M1AP: variants seen among roughly 807,000 people sequenced by gnomAD.
The protein encoded by M1AP is meiosis 1 arrest protein.
Under a neutral mutation model 51.2 loss-of-function variants are expected in M1AP, and 39 were observed. That is an observed-to-expected ratio of 0.76 (90% CI 0.59 to 1.00). The LOEUF (loss-of-function observed/expected upper bound fraction) is 1.00, where lower values mean the gene tolerates loss of function less well. Among genes scored for constraint, M1AP ranks in the 50% least tolerant of loss-of-function variants. The pLI, the probability that M1AP is intolerant of heterozygous loss-of-function variation, is 0.00. For missense variants in M1AP, 545 were observed against 641.2 expected, an observed-to-expected ratio of 0.85 and a Z score of 1.62; for synonymous variants, 251 against 249.2, an observed-to-expected ratio of 1.01 and a Z score of -0.07.
At position 74,581,698 on chromosome 2, in the gene M1AP, T is replaced by C; in HGVS notation, c.745A>G (p.Ile249Val). ...LLLSSQCFSNISRPRDNPMCL... is the reference protein window; with the variant it reads ...LLLSSQCFSNVSRPRDNPMCL... ...CTTGGATTATCTCTGGGTCTGGAAA[T>C]GTTGCTGAAACACTGTGAAGAAAGA... Residue 249 changes from isoleucine (I) to valine (V), a missense_variant, in exon 5 of 11, where the codon ATT (isoleucine) becomes GTT (valine). By Grantham distance (29) the Ile-to-Val change is conservative (BLOSUM62 3). Coordinates refer to ENST00000421985, the MANE Select transcript of M1AP (RefSeq NM_001321739.2). The C allele has an allele frequency of 6.2e-7, 1 of 1,614,004 alleles. No individual in the cohort carries two copies. Among genetic ancestry groups the C allele is most frequent in the Non-Finnish European group, 8.5e-7 (1 of 1,179,914 alleles).
chr2:74,637,057 T>G (rs1426675578), intron 2 of M1AP, among the ~76,000 whole-genome samples: 1 of 152,204 alleles, frequency 6.6e-6, no homozygotes, highest in African/African-American at 2.4e-5. Context: ...TTCCTCTCCT[T>G]TGGAGACTTT....
intron 2 of M1AP, among the ~76,000 whole-genome samples, chr2:74,617,652 C>T (rs531167627): frequency 1.6e-4 from 25 of 152,170 alleles, no homozygotes; most frequent in Non-Finnish European, 3.2e-4. Context: ...TGTACCTGCA[C>T]ATGCACCCTT....
intron 1 of M1AP, 179 bp downstream of exon 1, chr2:74,648,086 T>G: frequency 1.0e-6 from 1 of 985,394 alleles, no homozygotes; most frequent in Non-Finnish European, 1.2e-6. Flanking sequence ...GAGGGATGAC[T>G]CCGACAGCGA....
intron 7 of M1AP, 38 bp downstream of exon 7, chr2:74,575,400 A>G (rs1678998873): frequency 6.2e-7 from 1 of 1,612,296 alleles, no homozygotes; most frequent in African/African-American, 1.3e-5. Context: ...TACTTTAAAA[A>G]CGATTCTTCT....
chr2:74,561,766 A>T (rs1306668744), intron 8 of M1AP, among the ~76,000 whole-genome samples: 3 of 152,116 alleles, frequency 2.0e-5, no homozygotes, highest in Admixed American at 2.0e-4. Flanking sequence ...CGTCCAGTGC[A>T]TCCCCAGGAG....
intron 5 of M1AP, among the ~76,000 whole-genome samples, chr2:74,577,191 T>C (rs1472657110): frequency 6.6e-6 from 1 of 152,144 alleles, no homozygotes; most frequent in Non-Finnish European, 1.5e-5. Flanking sequence ...GTTCCTGAAA[T>C]AGCTTATTTT....
chr2:74,588,089 G>GTTT (rs1679820899), intron 4 of M1AP, among the ~76,000 whole-genome samples: 4 of 152,182 alleles, frequency 2.6e-5, no homozygotes. Context: ...CTCTTGCCCA[G>GTTT]TCCTCCACAT....
At position 74,576,546 on chromosome 2, in the gene M1AP, A is replaced by C. The variant is rs200989583; in HGVS notation, c.842T>G (p.Leu281Trp). Residue 281 changes from leucine (L) to tryptophan (W), a missense_variant, in exon 6 of 11, where the codon TTG (leucine) becomes TGG (tryptophan). By Grantham distance (61) the Leu-to-Trp change is moderately conservative (BLOSUM62 -2). Coordinates refer to ENST00000421985, the MANE Select transcript of M1AP (RefSeq NM_001321739.2). ...SLLAGTADGS[L>W]RMDDPKGDFI... ...GTCTCCTTTAGGGTCATCCATTCTC[A>C]AGGAGCCGTCAGCTGTGCCAGCGAG... 38 of 1,614,128 alleles carry C rather than the reference A, an allele frequency of 2.4e-5. No homozygotes were observed. Among genetic ancestry groups the C allele is most frequent in the Non-Finnish European group, 3.0e-5 (35 of 1,179,976 alleles).
intron 2 of M1AP, among the ~76,000 whole-genome samples, chr2:74,639,677 C>A (rs779249708): frequency 6.6e-6 from 1 of 152,218 alleles, no homozygotes; most frequent in Non-Finnish European, 1.5e-5. Flanking sequence ...TAGTCAGAGA[C>A]CTCAGAAGAG....
intron 7 of M1AP, among the ~76,000 whole-genome samples, chr2:74,574,385 T>C (rs530407669): frequency 5.9e-5 from 9 of 152,278 alleles, no homozygotes; most frequent in Non-Finnish European, 1.3e-4. Context: ...CTGACAATCT[T>C]CTCTCTAAAA....
At chr2:74,588,351 CTATAGAGTCACAG>C (rs1679840468) in intron 4 of M1AP, among the ~76,000 whole-genome samples, 1 of 152,176 alleles carries the variant, frequency 6.6e-6, no homozygotes, top group South Asian at 2.1e-4. Context: ...ACTACAGAGA[CTATAGAGTCACAG>C]TATCTTAGCC....
intron 4 of M1AP, among the ~76,000 whole-genome samples, chr2:74,585,726 C>G (rs148756763): frequency 6.6e-6 from 1 of 152,222 alleles, no homozygotes. Flanking sequence ...GGCAGACTTA[C>G]ATTATCCAAA....
intron 2 of M1AP, among the ~76,000 whole-genome samples, chr2:74,622,277 T>C (rs1016404317): frequency 5.3e-5 from 8 of 152,228 alleles, no homozygotes; most frequent in African/African-American, 1.7e-4. Flanking sequence ...TTTGCTCTTG[T>C]TGCCCAGGCT....
intron 8 of M1AP, chr2:74,561,972 C>G: frequency 1.0e-6 from 1 of 985,386 alleles, no homozygotes; most frequent in Non-Finnish European, 1.2e-6. Context: ...CCTTTTCTCT[C>G]CCAGTTTTTT....
chr2:74,583,475 G>A (rs1245993481), intron 4 of M1AP, among the ~76,000 whole-genome samples: 1 of 152,184 alleles, frequency 6.6e-6, no homozygotes, highest in Non-Finnish European at 1.5e-5. Context: ...ACTAGCTAAG[G>A]AATTGGGGCC....
Position 74,640,256 on chromosome 2 carries a change from G to T in M1AP, c.20C>A (p.Thr7Asn). Residue 7 changes from threonine to asparagine, a missense_variant, in exon 2 of 11, where the codon ACT becomes AAT. By Grantham distance (65) the Thr-to-Asn change is moderately conservative (BLOSUM62 0). Coordinates refer to ENST00000421985, the MANE Select transcript of M1AP (RefSeq NM_001321739.2). The part of the protein sequence containing the change: MHPGRT[T>N]GKGPSTHTQI... Reference sequence around the variant, plus strand: ...AGTGTGAGTAGAGGGCCCTTTACCAGTAGTTCGCCCAGGATGCATGGCAGC... The same window carrying T: ...AGTGTGAGTAGAGGGCCCTTTACCATTAGTTCGCCCAGGATGCATGGCAGC... 6.2e-7 allele frequency: 1 copy of T among 1,614,046 alleles called. No individual in the cohort carries two copies. Among genetic ancestry groups the T allele is most frequent in the South Asian group, 1.1e-5 (1 of 91,076 alleles).
At chr2:74,625,933 A>G (rs1682355855) in intron 2 of M1AP, among the ~76,000 whole-genome samples, 1 of 152,186 alleles carries the variant, frequency 6.6e-6, no homozygotes, top group African/African-American at 2.4e-5. Flanking sequence ...GAGAATACGT[A>G]TTCTGGGCAT....
At chr2:74,622,125 TA>T (rs566882982) in intron 2 of M1AP, among the ~76,000 whole-genome samples, 1 of 149,920 alleles carries the variant, frequency 6.7e-6, no homozygotes. Context: ...ATCTCAAAAT[TA>T]AAAAAAAAGA....
chr2:74,588,873 C>A (rs1461648689), intron 4 of M1AP, among the ~76,000 whole-genome samples: 1 of 152,212 alleles, frequency 6.6e-6, no homozygotes, highest in Non-Finnish European at 1.5e-5. Context: ...TTTATTTAGT[C>A]ATTCAAGCAC....
Sources: gnomAD v4.1 joint callset for allele counts (sites outside exome capture counted in the v4.1 genomes callset) on GRCh38, gnomAD v4.1.1 for gene constraint, MANE v1.5 for transcripts, NCBI Gene and HGNC (gene_info 2026-07-23, HGNC 2026-07-21) for gene names.